The following VPS13B variants were observed in gnomAD, a reference collection of about 807,000 sequenced individuals.
The protein encoded by VPS13B is vacuolar protein sorting 13 homolog B, also known as intermembrane lipid transfer protein VPS13B.
VPS13B carries 285 observed loss-of-function variants against 426.4 expected under a neutral mutation model. The observed-to-expected ratio is 0.67, with a 90% CI of 0.61 to 0.74. VPS13B has a LOEUF of 0.74. Ranked by LOEUF, VPS13B falls within the 30% of genes least tolerant of loss-of-function variation. The pLI, the probability that VPS13B is intolerant of heterozygous loss-of-function variation, is 0.00. For missense variants in VPS13B, 4,537 were observed against 4,782.6 expected (o/e 0.95, Z 1.51); for synonymous variants, 1,676 against 1,676.4 (o/e 1.00, Z 0.01).
At chr8:99,425,235 T>C (rs1183503567) in intron 21 of VPS13B, among the ~76,000 whole-genome samples, 1 of 152,314 alleles carries the variant, frequency 6.6e-6, no homozygotes, top group South Asian at 2.1e-4. Flanking sequence ...ATCATCCTGA[T>C]ACCAAAGCCT....
chr8:99,149,771 C>T (rs1455093533), intron 14 of VPS13B, among the ~76,000 whole-genome samples: 1 of 152,110 alleles, frequency 6.6e-6, no homozygotes, highest in East Asian at 1.9e-4. Flanking sequence ...TGAGCGTTAC[C>T]ACCTGAGCTC....
intron 33 of VPS13B, among the ~76,000 whole-genome samples, chr8:99,597,346 G>T (rs980676320): frequency 3.9e-5 from 6 of 151,980 alleles, no homozygotes; most frequent in African/African-American, 7.2e-5. Flanking sequence ...ATAAGTTTAG[G>T]TATAATACTG....
intron 5 of VPS13B, among the ~76,000 whole-genome samples, chr8:99,106,008 A>G (rs1336257488): frequency 2.6e-5 from 4 of 152,168 alleles, no homozygotes; most frequent in African/African-American, 9.7e-5. Flanking sequence ...TACATATTTT[A>G]TATTAATTAT....
chr8:99,863,490 G>C (rs928231092), intron 58 of VPS13B, among the ~76,000 whole-genome samples: 7 of 152,086 alleles, frequency 4.6e-5, no homozygotes, highest in African/African-American at 1.7e-4. Flanking sequence ...CAAAGAGAGA[G>C]AGAGAGACCC....
At chr8:99,386,461 G>A (rs1358736319) in intron 20 of VPS13B, among the ~76,000 whole-genome samples, 3 of 152,076 alleles carry the variant, frequency 2.0e-5, no homozygotes, top group Admixed American at 6.6e-5. Flanking sequence ...CTCTGGTATA[G>A]CCTATTGCTC....
chr8:99,056,811 C>T (rs1385838745), intron 3 of VPS13B, among the ~76,000 whole-genome samples: 2 of 152,156 alleles, frequency 1.3e-5, no homozygotes, highest in African/African-American at 4.8e-5. Context: ...AGATGAATTT[C>T]ACAGGAATAT....
chr8:99,186,503 G>A (rs1032170098), intron 16 of VPS13B, among the ~76,000 whole-genome samples: 2 of 151,878 alleles, frequency 1.3e-5, no homozygotes, highest in African/African-American at 4.8e-5. Flanking sequence ...TTCTACATTT[G>A]TTAACCAGTT....
intron 35 of VPS13B, chr8:99,697,014 C>T (rs1407169246): frequency 1.4e-5 from 8 of 585,062 alleles, no homozygotes; most frequent in African/African-American, 5.6e-5. Flanking sequence ...GTGGGCCCTC[C>T]GCCTCAGCTG....
intron 43 of VPS13B, among the ~76,000 whole-genome samples, chr8:99,807,707 G>A (rs879107079): frequency 5.5e-5 from 8 of 146,698 alleles, no homozygotes; most frequent in Non-Finnish European, 3.0e-5. Flanking sequence ...GTGTGTGTAC[G>A]CACACGTGTG....
Position 99,274,285 on chromosome 8 carries a change from G to A in VPS13B, c.2603G>A (p.Cys868Tyr), listed in dbSNP as rs1466327941. ...LKYCSTSLVK[C>Y]ASGTMGSIKI... ...TACTGCAGCACATCATTGGTCAAAT[G>A]TGCCTCTGGGACCATGGGATCAATA... is the stretch of plus-strand genomic sequence containing the variant. Residue 868 changes from cysteine to tyrosine, a missense_variant, in exon 18 of 62, where the codon TGT becomes TAT. By Grantham distance (194) the Cys-to-Tyr change is radical (BLOSUM62 -2). Coordinates refer to ENST00000357162, the MANE Select transcript of VPS13B (RefSeq NM_152564.5). 6.2e-7 allele frequency: 1 copy of A among 1,614,104 alleles called. No individual in the cohort carries two copies. The highest frequency in any genetic ancestry group is 8.5e-7 in the Non-Finnish European group (1 of 1,180,018).
At chr8:99,754,737 C>T (rs1021434933) in intron 39 of VPS13B, among the ~76,000 whole-genome samples, 5 of 152,206 alleles carry the variant, frequency 3.3e-5, no homozygotes, top group African/African-American at 1.2e-4. Context: ...GTTTTATCAC[C>T]ATCTTAACAT....
intron 3 of VPS13B, among the ~76,000 whole-genome samples, chr8:99,085,948 C>G (rs1293689607): frequency 1.3e-5 from 2 of 152,094 alleles, no homozygotes; most frequent in Admixed American, 6.6e-5. Context: ...TTATGTTGCT[C>G]TTCTCGAGGA....
chr8:99,505,441 T>C (rs1253779690), intron 27 of VPS13B, among the ~76,000 whole-genome samples: 1 of 152,180 alleles, frequency 6.6e-6, no homozygotes, highest in East Asian at 1.9e-4. Context: ...GGGTTATTAA[T>C]TGGCTTCATT....
intron 3 of VPS13B, among the ~76,000 whole-genome samples, chr8:99,081,010 G>T (rs372029526): frequency 1.3e-5 from 2 of 152,134 alleles, no homozygotes; most frequent in East Asian, 3.8e-4. Flanking sequence ...TGATAGCAAA[G>T]CATTGCTTAT....
intron 23 of VPS13B, among the ~76,000 whole-genome samples, chr8:99,458,635 A>G (rs1818652303): frequency 6.6e-6 from 1 of 152,086 alleles, no homozygotes; most frequent in Non-Finnish European, 1.5e-5. Context: ...ATGGTATCTC[A>G]TTGTGGTTTT....
intron 25 of VPS13B, among the ~76,000 whole-genome samples, chr8:99,490,898 T>A (rs1820572068): frequency 6.6e-6 from 1 of 152,208 alleles, no homozygotes; most frequent in Non-Finnish European, 1.5e-5. Flanking sequence ...TGTCTCTATC[T>A]CCTTCAGTTC....
At chr8:99,334,943 CT>C (rs1325894858) in intron 19 of VPS13B, among the ~76,000 whole-genome samples, 4 of 152,118 alleles carry the variant, frequency 2.6e-5, no homozygotes, top group African/African-American at 4.8e-5. Context: ...GTACCAGCTC[CT>C]TCTTATACCT....
chr8:99,434,103 C>T (rs1226835200), intron 22 of VPS13B, among the ~76,000 whole-genome samples: 7 of 152,118 alleles, frequency 4.6e-5, no homozygotes, highest in Admixed American at 3.3e-4. Context: ...CCACTGCACT[C>T]AGCCCTAGTT....
chr8:99,323,047 C>T (rs1019542198), intron 19 of VPS13B, among the ~76,000 whole-genome samples: 3 of 152,132 alleles, frequency 2.0e-5, no homozygotes, highest in Non-Finnish European at 4.4e-5. Flanking sequence ...TAGGAACGAC[C>T]GACTGAGATC....
Sources: gnomAD v4.1 joint callset for allele counts (sites outside exome capture counted in the v4.1 genomes callset) on GRCh38, gnomAD v4.1.1 for gene constraint, MANE v1.5 for transcripts, NCBI Gene and HGNC (gene_info 2026-07-23, HGNC 2026-07-21) for gene names.